Variants in AGBL4 observed in about 807,000 individuals in gnomAD.
The protein encoded by AGBL4 is cytosolic carboxypeptidase 6.
In AGBL4, 58 loss-of-function variants were observed where a neutral mutation model predicts 66.4. The ratio of observed to expected loss-of-function variants is 0.87; its 90% CI spans 0.71 to 1.09. The LOEUF is 1.09. Among genes scored for constraint, AGBL4 ranks in the 50% least tolerant of loss-of-function variants. The pLI is 0.00. For missense variants in AGBL4, 579 were observed against 631.0 expected, an observed-to-expected ratio of 0.92 and a Z score of 0.88; for synonymous variants, 234 against 222.9, an observed-to-expected ratio of 1.05 and a Z score of -0.44.
intron 5 of AGBL4, among the ~76,000 whole-genome samples, chr1:48,901,672 T>A (rs1365024704): frequency 4.6e-5 from 7 of 152,200 alleles, no homozygotes; most frequent in Admixed American, 3.3e-4. Flanking sequence ...TGCTGTATAA[T>A]TCTGTTTATG....
At chr1:48,545,590 A>G (rs899390115) in intron 11 of AGBL4, among the ~76,000 whole-genome samples, 6 of 152,216 alleles carry the variant, frequency 3.9e-5, no homozygotes, top group Non-Finnish European at 8.8e-5. Context: ...TTCATTATGA[A>G]CAAAAATCTC....
At chr1:49,220,977 A>C (rs1033952592) in intron 4 of AGBL4, among the ~76,000 whole-genome samples, 2 of 152,132 alleles carry the variant, frequency 1.3e-5, no homozygotes, top group African/African-American at 4.8e-5. Context: ...GTCTAAGCTA[A>C]ATATAGTGGG....
chr1:49,872,445 A>G (rs970778412), intron 1 of AGBL4, among the ~76,000 whole-genome samples: 2 of 152,126 alleles, frequency 1.3e-5, no homozygotes, highest in African/African-American at 4.8e-5. Context: ...GAAAAATAAA[A>G]GCCCCTTAGA....
At chr1:49,165,592 T>C (rs1008740420) in intron 4 of AGBL4, among the ~76,000 whole-genome samples, 4 of 149,784 alleles carry the variant, frequency 2.7e-5, no homozygotes, top group Non-Finnish European at 5.9e-5. Context: ...CTTGATAATG[T>C]GATAAGAAAT....
chr1:49,556,783 T>G (rs929261224), intron 3 of AGBL4, among the ~76,000 whole-genome samples: 1 of 151,984 alleles, frequency 6.6e-6, no homozygotes, highest in Admixed American at 6.6e-5. Context: ...GGAAGGCTCG[T>G]GCGGTGCAAG....
downstream of AGBL4, among the ~76,000 whole-genome samples, chr1:48,528,885 A>G (rs766672213): frequency 2.6e-5 from 4 of 152,040 alleles, no homozygotes; most frequent in Non-Finnish European, 5.9e-5. Context: ...AAAACATGGT[A>G]TCTTGTAGAA....
chr1:48,777,800 C>A (rs1039894947), intron 6 of AGBL4, among the ~76,000 whole-genome samples: 6 of 152,160 alleles, frequency 3.9e-5, no homozygotes, highest in Non-Finnish European at 7.3e-5. Context: ...AGTTGAGGAG[C>A]GCTCTGGGTA....
intron 5 of AGBL4, among the ~76,000 whole-genome samples, chr1:48,915,985 G>T (rs1653552902): frequency 6.6e-6 from 1 of 152,196 alleles, no homozygotes. Context: ...GTTGGGCCTA[G>T]CTGCCTTGAG....
chr1:49,871,202 A>C (rs968891849), intron 1 of AGBL4, among the ~76,000 whole-genome samples: 1 of 152,146 alleles, frequency 6.6e-6, no homozygotes, highest in Non-Finnish European at 1.5e-5. Context: ...TGGAACATTA[A>C]CCCATTCTTT....
At chr1:48,602,408 C>T (rs319977) in intron 9 of AGBL4, among the ~76,000 whole-genome samples, 2 of 152,060 alleles carry the variant, frequency 1.3e-5, no homozygotes. Flanking sequence ...TTGCAGTATT[C>T]CTGTTGTTGT....
intron 1 of AGBL4, among the ~76,000 whole-genome samples, chr1:49,946,387 G>T (rs918206859): frequency 5.3e-5 from 8 of 151,818 alleles, no homozygotes; most frequent in Non-Finnish European, 1.2e-4. Context: ...AATAAAACTG[G>T]TATCAACTCC....
At chr1:49,801,648 G>A (rs72903766) in intron 2 of AGBL4, among the ~76,000 whole-genome samples, 1,744 of 152,204 alleles carry the variant, frequency 0.011, 32 homozygotes, top group African/African-American at 0.031. Flanking sequence ...TATACCTACA[G>A]GTTCTTCACT....
At chr1:49,686,163 C>T (rs567173428) in intron 3 of AGBL4, among the ~76,000 whole-genome samples, 35 of 152,068 alleles carry the variant, frequency 2.3e-4, no homozygotes, top group South Asian at 1.0e-3. Context: ...GAGTACTATC[C>T]CCAGTGGTTG....
chr1:49,013,710 A>C (rs1662616657), intron 5 of AGBL4, among the ~76,000 whole-genome samples: 1 of 151,928 alleles, frequency 6.6e-6, no homozygotes, highest in African/African-American at 2.4e-5. Context: ...TCTTCCCCTA[A>C]TTGCTTACAT....
chr1:49,618,105 T>C (rs1337554476), intron 3 of AGBL4, among the ~76,000 whole-genome samples: 1 of 152,208 alleles, frequency 6.6e-6, no homozygotes, highest in African/African-American at 2.4e-5. Flanking sequence ...ACATGTGGTG[T>C]TTGGTTTTCT....
intron 2 of AGBL4, among the ~76,000 whole-genome samples, chr1:49,779,984 A>T (rs1471294303): frequency 6.6e-6 from 1 of 152,228 alleles, no homozygotes; most frequent in Non-Finnish European, 1.5e-5. Flanking sequence ...TATGATTGAT[A>T]ATTGACTTAT....
intron 5 of AGBL4, among the ~76,000 whole-genome samples, chr1:48,885,107 C>T (rs1442330243): frequency 6.6e-6 from 1 of 152,106 alleles, no homozygotes; most frequent in Non-Finnish European, 1.5e-5. Flanking sequence ...GGGTGGCAAA[C>T]TGCACACTAG....
chr1:48,768,869 A>C (rs1644664202), intron 6 of AGBL4, among the ~76,000 whole-genome samples: 1 of 152,222 alleles, frequency 6.6e-6, no homozygotes, highest in Non-Finnish European at 1.5e-5. Context: ...AAATACAAAC[A>C]CAGTGCATTC....
chr1:49,860,836 G>C (rs1251087409), intron 1 of AGBL4, among the ~76,000 whole-genome samples: 2 of 150,978 alleles, frequency 1.3e-5, no homozygotes, highest in African/African-American at 4.9e-5. Flanking sequence ...CCTTCTGTAA[G>C]AACCAAAAAT....
Sources: allele counts gnomAD v4.1 joint callset (sites outside exome capture counted in the v4.1 genomes callset), GRCh38; gene constraint gnomAD v4.1.1; transcripts MANE v1.5; gene names NCBI Gene and HGNC (gene_info 2026-07-23, HGNC 2026-07-21).